TLK2: variants seen among roughly 807,000 people sequenced by gnomAD.
TLK2 encodes the protein tousled like kinase 2, also known as serine/threonine-protein kinase tousled-like 2.
TLK2 carries 6 observed loss-of-function variants against 117.3 expected under a neutral mutation model. The observed-to-expected ratio is 0.05, with a 90% CI of 0.03 to 0.10. TLK2 has a LOEUF of 0.10. TLK2 is among the 10% of genes least tolerant of loss of function. The pLI, the probability that TLK2 is intolerant of heterozygous loss-of-function variation, is 1.00. For missense variants in TLK2, 299 were observed against 901.2 expected (o/e 0.33, Z 8.56); for synonymous variants, 257 against 316.7 (o/e 0.81, Z 2.00).
chr17:62,564,787 T>A (rs1396249813), intron 10 of TLK2, among the ~76,000 whole-genome samples: 6 of 152,112 alleles, frequency 3.9e-5, no homozygotes, highest in African/African-American at 1.4e-4. Context: ...AAGCTTTACC[T>A]GTGAAGAACT....
At chr17:62,478,653 T>C (rs1159511225), upstream of TLK2, among the ~76,000 whole-genome samples, 1 of 149,866 alleles carries the variant, frequency 6.7e-6, no homozygotes, top group African/African-American at 2.4e-5. Context: ...CGGCCGCTGA[T>C]TGGAGAAGGC....
chr17:62,487,166 C>T (rs919846685), intron 2 of TLK2, among the ~76,000 whole-genome samples: 5 of 152,034 alleles, frequency 3.3e-5, no homozygotes, highest in Non-Finnish European at 7.4e-5. Context: ...GTGGCATGTG[C>T]CTGTAATCCC....
At chr17:62,564,707 TA>T (rs373536254) in intron 10 of TLK2, among the ~76,000 whole-genome samples, 210 of 142,988 alleles carry the variant, frequency 1.5e-3, no homozygotes, top group African/African-American at 4.2e-3. Context: ...GACTCTGTCT[TA>T]AAAAAAAAAA....
intron 16 of TLK2, among the ~76,000 whole-genome samples, chr17:62,586,836 A>G (rs1188126285): frequency 2.0e-5 from 3 of 151,432 alleles, no homozygotes; most frequent in Non-Finnish European, 4.4e-5. Flanking sequence ...CAAAAAAAAA[A>G]AAAATTGTTG....
At chr17:62,559,374 T>G (rs921156314) in intron 9 of TLK2, among the ~76,000 whole-genome samples, 15 of 151,770 alleles carry the variant, frequency 9.9e-5, no homozygotes, top group African/African-American at 3.6e-4. Context: ...TTTATTTTTT[T>G]TTTATTTTTT....
At chr17:62,512,466 G>T (rs1198599558) in intron 2 of TLK2, among the ~76,000 whole-genome samples, 2 of 151,590 alleles carry the variant, frequency 1.3e-5, no homozygotes, top group Non-Finnish European at 2.9e-5. Context: ...CAGGTAATCC[G>T]CCTGCCTCAG....
intron 19 of TLK2, among the ~76,000 whole-genome samples, chr17:62,602,922 A>T (rs1251458577): frequency 1.3e-5 from 2 of 152,176 alleles, no homozygotes; most frequent in African/African-American, 4.8e-5. Context: ...TTCCATTTTG[A>T]GGTGGTCACA....
chr17:62,594,944 G>A (rs909851532), intron 16 of TLK2, among the ~76,000 whole-genome samples: 1 of 152,166 alleles, frequency 6.6e-6, no homozygotes, highest in Non-Finnish European at 1.5e-5. Context: ...GACTCCACAT[G>A]GACAGTGGTG....
intron 10 of TLK2, among the ~76,000 whole-genome samples, chr17:62,562,605 A>G (rs1483349954): frequency 1.3e-5 from 2 of 152,202 alleles, no homozygotes; most frequent in Non-Finnish European, 2.9e-5. Flanking sequence ...AACCAGCGTG[A>G]GATAGTACTA....
At position 62,483,993 on chromosome 17, in the gene TLK2, T is replaced by G. The variant is rs1182808527; in HGVS notation, c.81+2787T>G. Among the ~76,000 whole-genome samples, 4 of 151,714 alleles carry G rather than the reference T, an allele frequency of 2.6e-5. 1 individual carries two copies. Among genetic ancestry groups the G allele is most frequent in the Non-Finnish European group, 4.4e-5 (3 of 67,946 alleles). On this transcript the variant is annotated intron_variant, in intron 2 of 21. Transcript: ENST00000346027. ...GGCACCTGCTACCATGCCCAGCTAATTTTTGTATTTTTAGTAGATGGGGTT... is the reference window on the plus strand; with the variant it reads ...GGCACCTGCTACCATGCCCAGCTAAGTTTTGTATTTTTAGTAGATGGGGTT...
chr17:62,476,583 C>CAAAATAAAATAAAATAAAAT (rs59524481), upstream of TLK2, among the ~76,000 whole-genome samples: 8 of 147,044 alleles, frequency 5.4e-5, no homozygotes, highest in East Asian at 2.1e-4. Context: ...ACTCTGTCAC[C>CAAAATAAAATAAAATAAAAT]AAAATAAAAT....
At chr17:62,577,569 A>C (rs1393349667) in intron 13 of TLK2, among the ~76,000 whole-genome samples, 1 of 152,254 alleles carries the variant, frequency 6.6e-6, no homozygotes, top group Non-Finnish European at 1.5e-5. Context: ...GTTCACTGAG[A>C]TATCTTAGAT....
intron 13 of TLK2, among the ~76,000 whole-genome samples, chr17:62,577,725 T>G (rs978841110): frequency 2.6e-5 from 4 of 152,204 alleles, no homozygotes; most frequent in Non-Finnish European, 4.4e-5. Flanking sequence ...CATGCTGTTT[T>G]CCCACTGGGT....
chr17:62,509,019 T>C lies in TLK2; in HGVS notation c.82-11754T>C, dbSNP rs184670269. On this transcript the variant is annotated intron_variant, in intron 2 of 21. Transcript: ENST00000346027. ...AGACTCCTGTAACCAAGAAAAAAAT[T>C]GAGGCGATTATAAAACTACTTCCTC... Among the ~76,000 whole-genome samples, 8 of 152,278 alleles carry C rather than the reference T, an allele frequency of 5.3e-5. No individual in the cohort carries two copies. The East Asian group carries it at 1.3e-3, about 26-fold the overall frequency.
At chr17:62,524,554 C>T (rs1413793104) in intron 6 of TLK2, among the ~76,000 whole-genome samples, 5 of 152,188 alleles carry the variant, frequency 3.3e-5, no homozygotes, top group Non-Finnish European at 7.3e-5. Flanking sequence ...TAATAAATTA[C>T]CTCTAATCCT....
chr17:62,612,617 C>T lies in TLK2; in HGVS notation c.*52C>T, dbSNP rs772757244. ...CAACACACACAAAGTGGACAAATGGCGTTCAGCAGCGGGTTTGGAACATAG... is the reference window on the plus strand; with the variant it reads ...CAACACACACAAAGTGGACAAATGGTGTTCAGCAGCGGGTTTGGAACATAG... On this transcript the variant is annotated 3_prime_UTR_variant, in exon 22 of 22. Transcript: ENST00000346027. 4.0e-6 allele frequency: 6 copies of T among 1,515,642 alleles called. No homozygotes were observed. Among genetic ancestry groups the T allele is most frequent in the South Asian group, 2.5e-5 (2 of 81,478 alleles). 93.9% of individuals were successfully genotyped at this position (1,515,642 alleles called of 1,614,324 possible).
upstream of TLK2, among the ~76,000 whole-genome samples, chr17:62,474,190 T>G (rs2070994634): frequency 1.3e-5 from 2 of 151,880 alleles, no homozygotes; most frequent in Admixed American, 1.3e-4. Flanking sequence ...GCCATTCTCC[T>G]GCCTCAGCCT....
At chr17:62,475,762 C>T (rs557727028), upstream of TLK2, among the ~76,000 whole-genome samples, 56 of 151,198 alleles carry the variant, frequency 3.7e-4, no homozygotes, top group South Asian at 6.7e-3. Context: ...TGGGTTCAAG[C>T]GATTCTCCTG....
chr17:62,491,861 G>A lies in TLK2; in HGVS notation c.81+10655G>A, dbSNP rs139241617. On this transcript the variant is annotated intron_variant, in intron 2 of 21. Transcript: ENST00000346027. ...GGCCTCCCAAAGCACTGGGATTACAGGCGTGAGCCCTCACACCCGGCCCCC... is the reference window on the plus strand; with the variant it reads ...GGCCTCCCAAAGCACTGGGATTACAAGCGTGAGCCCTCACACCCGGCCCCC... Among the ~76,000 whole-genome samples, 1,218 of 152,288 alleles carry A rather than the reference G, an allele frequency of 8.0e-3. 8 individuals are homozygous for A. The highest frequency in any genetic ancestry group is 0.013 in the Non-Finnish European group (893 of 68,030).
Sources: allele counts gnomAD v4.1 joint callset (sites outside exome capture counted in the v4.1 genomes callset), GRCh38; gene constraint gnomAD v4.1.1; transcripts MANE v1.5; gene names NCBI Gene and HGNC (gene_info 2026-07-23, HGNC 2026-07-21).